Variants in TCERG1L observed in about 807,000 individuals in gnomAD.
The protein encoded by TCERG1L is transcription elongation regulator 1 like.
A neutral mutation model predicts 56.3 loss-of-function variants in TCERG1L; 37 were observed. The observed-to-expected ratio is 0.66, with a 90% CI of 0.51 to 0.87. TCERG1L has a LOEUF of 0.87. Among genes scored for constraint, TCERG1L ranks in the 40% least tolerant of loss-of-function variants. TCERG1L has a pLI of 0.00. For synonymous variants in TCERG1L, 324 were observed against 326.3 expected (o/e 0.99, Z 0.08); for missense variants, 799 against 774.2 (o/e 1.03, Z -0.38).
At chr10:131,158,921 C>A (rs568184700) in intron 6 of TCERG1L, among the ~76,000 whole-genome samples, 1 of 152,344 alleles carries the variant, frequency 6.6e-6, no homozygotes, top group Admixed American at 6.5e-5. Flanking sequence ...TGCCTGCTCA[C>A]CCCGCCACCA....
At chr10:131,093,389 G>C in intron 11 of TCERG1L, 71 bp from the exon 12 acceptor site, 1 of 1,553,770 alleles carries the variant, frequency 6.4e-7, no homozygotes, top group African/African-American at 1.4e-5. Context: ...TCCTGCAGCG[G>C]CACCGCCTGA....
chr10:131,291,217 T>A (rs988584364), intron 3 of TCERG1L, among the ~76,000 whole-genome samples: 2 of 151,998 alleles, frequency 1.3e-5, no homozygotes, highest in Non-Finnish European at 2.9e-5. Flanking sequence ...ATTGTAAAAT[T>A]CATTACATTG....
At chr10:131,114,881 T>G (rs1845439746) in intron 9 of TCERG1L, among the ~76,000 whole-genome samples, 1 of 152,108 alleles carries the variant, frequency 6.6e-6, no homozygotes, top group Non-Finnish European at 1.5e-5. Context: ...ACGAGTCATG[T>G]CTCCTGCCCG....
intron 4 of TCERG1L, among the ~76,000 whole-genome samples, chr10:131,229,668 T>C (rs1475016813): frequency 6.6e-6 from 1 of 152,038 alleles, no homozygotes; most frequent in Non-Finnish European, 1.5e-5. Context: ...AGTTACCTCC[T>C]AGGCATATAG....
intron 6 of TCERG1L, among the ~76,000 whole-genome samples, chr10:131,148,491 T>C (rs1449405142): frequency 6.8e-6 from 1 of 146,880 alleles, no homozygotes; most frequent in Non-Finnish European, 1.5e-5. Flanking sequence ...CATGCACACA[T>C]ATATACACAC....
At chr10:131,138,798 C>T (rs1257899077) in intron 7 of TCERG1L, among the ~76,000 whole-genome samples, 1 of 152,118 alleles carries the variant, frequency 6.6e-6, no homozygotes, top group Admixed American at 6.6e-5. Context: ...CTGAACGCCA[C>T]TGAATTGTAC....
At chr10:131,177,085 TACTC>T (rs1427706045) in intron 4 of TCERG1L, among the ~76,000 whole-genome samples, 9 of 78,472 alleles carry the variant, frequency 1.1e-4, no homozygotes, top group Non-Finnish European at 2.1e-4. Flanking sequence ...CACACACACG[TACTC>T]ACAGACACAT....
chr10:131,177,117 T>A (rs202168214), intron 4 of TCERG1L, among the ~76,000 whole-genome samples: 1 of 102,372 alleles, frequency 9.8e-6, no homozygotes, highest in Non-Finnish European at 1.9e-5. Context: ...CAGACACGTG[T>A]ACACACAGAG....
At position 131,093,153 on chromosome 10, in the gene TCERG1L, T is replaced by C; in HGVS notation, c.*9A>G. 1 of 1,612,060 alleles carries C rather than the reference T, an allele frequency of 6.2e-7. No individual in the cohort carries two copies. Among genetic ancestry groups the C allele is most frequent in the Admixed American group, 1.7e-5 (1 of 59,768 alleles). ...TCAACCCCCGGGCTTATTGCATTTT[T>C]TCACAAACTCATCTCATTTTCCGCA... is the stretch of plus-strand genomic sequence containing the variant. On this transcript the variant is annotated 3_prime_UTR_variant, in exon 12 of 12. Coordinates refer to ENST00000368642, the MANE Select transcript of TCERG1L (RefSeq NM_174937.4).
At chr10:131,170,191 A>C (rs1216115468) in intron 4 of TCERG1L, among the ~76,000 whole-genome samples, 1 of 151,992 alleles carries the variant, frequency 6.6e-6, no homozygotes, top group Non-Finnish European at 1.5e-5. Context: ...GCTCACACAC[A>C]TAATTGGGTC....
intron 3 of TCERG1L, among the ~76,000 whole-genome samples, chr10:131,277,189 A>G (rs1846402266): frequency 6.6e-6 from 1 of 152,152 alleles, no homozygotes; most frequent in Admixed American, 6.5e-5. Context: ...GGCCACACTC[A>G]GAACTGTCTG....
intron 4 of TCERG1L, among the ~76,000 whole-genome samples, chr10:131,228,523 A>C (rs113064964): frequency 3.4e-5 from 1 of 29,754 alleles, no homozygotes. Flanking sequence ...CCACTCCAGA[A>C]AGGCATTTCC....
chr10:131,093,826 T>C (rs1300519694), intron 11 of TCERG1L, among the ~76,000 whole-genome samples: 1 of 152,158 alleles, frequency 6.6e-6, no homozygotes, highest in African/African-American at 2.4e-5. Flanking sequence ...CTCAGAGAAC[T>C]GTGACTCCAT....
chr10:131,104,672 G>A (rs1845334729), intron 9 of TCERG1L, among the ~76,000 whole-genome samples: 1 of 152,156 alleles, frequency 6.6e-6, no homozygotes, highest in African/African-American at 2.4e-5. Context: ...TTCAAAAGGG[G>A]AAATTATATT....
At chr10:131,153,674 G>A (rs76080502) in intron 6 of TCERG1L, among the ~76,000 whole-genome samples, 5,086 of 152,294 alleles carry the variant, frequency 0.033, 292 homozygotes, top group African/African-American at 0.11. Flanking sequence ...CTAGGTCCCC[G>A]GTTCTCAGAT....
chr10:131,155,174 C>T (rs540991783), intron 6 of TCERG1L, among the ~76,000 whole-genome samples: 2 of 152,346 alleles, frequency 1.3e-5, no homozygotes, highest in South Asian at 4.1e-4. Flanking sequence ...ACGGAGGCTT[C>T]TTGGCTGAAA....
At chr10:131,219,386 G>A (rs560851214) in intron 4 of TCERG1L, among the ~76,000 whole-genome samples, 13 of 152,326 alleles carry the variant, frequency 8.5e-5, no homozygotes, top group East Asian at 3.9e-4. Context: ...CCCCAGGACC[G>A]CCAGCGGCTT....
At chr10:131,181,860 T>G (rs1236980231) in intron 4 of TCERG1L, among the ~76,000 whole-genome samples, 3 of 152,246 alleles carry the variant, frequency 2.0e-5, no homozygotes, top group Non-Finnish European at 4.4e-5. Flanking sequence ...AGGGAAACCT[T>G]TGCAAACCTC....
At chr10:131,197,140 G>C (rs1161960828) in intron 4 of TCERG1L, among the ~76,000 whole-genome samples, 3 of 151,354 alleles carry the variant, frequency 2.0e-5, no homozygotes, top group African/African-American at 7.3e-5. Context: ...ACCCTGCTCA[G>C]TTTTCTCTTC....
Sources: allele counts gnomAD v4.1 joint callset (sites outside exome capture counted in the v4.1 genomes callset), GRCh38; gene constraint gnomAD v4.1.1; transcripts MANE v1.5; gene names NCBI Gene and HGNC (gene_info 2026-07-23, HGNC 2026-07-21).